NUP214: variants seen among roughly 807,000 people sequenced by gnomAD.
NUP214 encodes nuclear pore complex protein Nup214.
NUP214 carries 79 observed loss-of-function variants against 196.2 expected under a neutral mutation model. That is an observed-to-expected ratio of 0.40 (90% CI 0.34 to 0.49). The LOEUF is 0.49. Among genes scored for constraint, NUP214 ranks in the 20% least tolerant of loss-of-function variants. The pLI, the probability that NUP214 is intolerant of heterozygous loss-of-function variation, is 0.58. For synonymous variants in NUP214, 1,020 were observed against 990.5 expected (o/e 1.03, Z -0.56); for missense variants, 2,468 against 2,539.0 (o/e 0.97, Z 0.60).
At chr9:131,209,291 T>C (rs1052806029) in intron 30 of NUP214, among the ~76,000 whole-genome samples, 1 of 152,100 alleles carries the variant, frequency 6.6e-6, no homozygotes, top group Non-Finnish European at 1.5e-5. Flanking sequence ...GGTGGGAGGA[T>C]CACTTGAGCT....
intron 10 of NUP214, 150 bp downstream of exon 10, chr9:131,139,557 G>A: frequency 8.7e-7 from 1 of 1,147,972 alleles, no homozygotes; most frequent in South Asian, 1.6e-5. Context: ...GTGATAACAG[G>A]CTGCGTTGTG....
At position 131,198,617 on chromosome 9, in the gene NUP214, T is replaced by A; in HGVS notation, c.5123T>A (p.Phe1708Tyr). ...AATPQVSSSGFSSPAFGTTAP... is the reference protein window; with the variant it reads ...AATPQVSSSGYSSPAFGTTAP... Reference sequence around the variant, plus strand: ...ACACCACAGGTCAGCAGCTCAGGGTTTAGCAGCCCAGCTTTTGGTACCACA... The same window carrying A: ...ACACCACAGGTCAGCAGCTCAGGGTATAGCAGCCCAGCTTTTGGTACCACA... The change falls in exon 29 of 36, where the codon TTT (phenylalanine) becomes TAT (tyrosine). Residue 1708 changes from phenylalanine (F) to tyrosine (Y), a missense_variant. This residue lies in a region of NUP214 where 1,801 missense variants were observed against 1,779.4 expected (regional missense o/e 1.01). Coordinates refer to ENST00000359428, the MANE Select transcript of NUP214 (RefSeq NM_005085.4). 1 of 1,614,192 alleles carries A rather than the reference T, an allele frequency of 6.2e-7. No individual in the cohort carries two copies. The highest frequency in any genetic ancestry group is 8.5e-7 in the Non-Finnish European group (1 of 1,180,006).
At chr9:131,222,956 T>C (rs1219955025) in intron 32 of NUP214, 26 bp downstream of exon 32, 2 of 1,607,084 alleles carry the variant, frequency 1.2e-6, no homozygotes, top group East Asian at 4.5e-5. Context: ...TTTGTTATGG[T>C]TATCTTTATA....
At position 131,197,470 on chromosome 9, in the gene NUP214, T is replaced by G; in HGVS notation, c.3976T>G (p.Leu1326Val). 1.9e-6 allele frequency: 3 copies of G among 1,614,158 alleles called. No homozygotes were observed. The highest frequency in any genetic ancestry group is 1.7e-6 in the Non-Finnish European group (2 of 1,180,026). Residue 1326 changes from leucine to valine, a missense_variant, in exon 29 of 36, where the codon TTG becomes GTG. Physicochemically the swap from Leu to Val is conservative, Grantham distance 32. This residue lies in a region of NUP214 where 1,801 missense variants were observed against 1,779.4 expected (regional missense o/e 1.01). Coordinates refer to ENST00000359428, the MANE Select transcript of NUP214 (RefSeq NM_005085.4). The stretch of plus-strand genomic sequence containing the variant: ...GGGAGAGCTTCTGTTTCCAAGTTCT[T>G]TGGCTGGAGAGACTCTGGGAAGTTT... Reference protein sequence around the residue: ...KLGELLFPSSLAGETLGSFSG... With the variant: ...KLGELLFPSSVAGETLGSFSG...
intron 32 of NUP214, among the ~76,000 whole-genome samples, chr9:131,225,548 C>T (rs928278982): frequency 6.6e-6 from 1 of 152,192 alleles, no homozygotes; most frequent in Non-Finnish European, 1.5e-5. Context: ...GAATAGAGAA[C>T]AACTATCTTT....
intron 11 of NUP214, among the ~76,000 whole-genome samples, chr9:131,143,470 C>G (rs1264563204): frequency 6.6e-6 from 1 of 151,968 alleles, no homozygotes; most frequent in Non-Finnish European, 1.5e-5. Context: ...AAAAAAAATA[C>G]TAGTTACCTA....
intron 8 of NUP214, 58 bp downstream of exon 8, chr9:131,135,062 C>T: frequency 4.4e-6 from 5 of 1,136,694 alleles, no homozygotes; most frequent in Non-Finnish European, 6.6e-6. Flanking sequence ...ACACCTGAGT[C>T]ACCTTGTCCC....
intron 29 of NUP214, among the ~76,000 whole-genome samples, chr9:131,200,662 T>C (rs1003642804): frequency 2.6e-5 from 4 of 152,124 alleles, no homozygotes; most frequent in African/African-American, 9.7e-5. Flanking sequence ...TGAGCCAAGA[T>C]CGTGCCACTG....
At position 131,144,555 on chromosome 9, in the gene NUP214, C is replaced by A. The variant is rs867687501; in HGVS notation, c.1570C>A (p.Pro524Thr). ...GPGPSTFSFV[P>T]PSKASLAPTP... Reference sequence around the variant, plus strand: ...TGGCCCATCAACCTTCTCTTTTGTTCCCCCTTCTAAAGCCTCCCTAGCCCC... The same window carrying A: ...TGGCCCATCAACCTTCTCTTTTGTTACCCCTTCTAAAGCCTCCCTAGCCCC... The change falls in exon 12 of 36, where the codon CCC (proline) becomes ACC (threonine). Residue 524 changes from proline (P) to threonine (T), a missense_variant. Physicochemically the swap from Pro to Thr is conservative, Grantham distance 38. Around this residue, in one of 5 missense-constraint regions of NUP214, gnomAD observed 1,801 missense variants for 1,779.4 expected, o/e 1.01. Coordinates refer to ENST00000359428, the MANE Select transcript of NUP214 (RefSeq NM_005085.4). The A allele has an allele frequency of 6.2e-7, 1 of 1,613,976 alleles. No individual in the cohort carries two copies. The highest frequency in any genetic ancestry group is 8.5e-7 in the Non-Finnish European group (1 of 1,179,906).
intron 1 of NUP214, chr9:131,126,547 G>A (rs1047132771): frequency 6.9e-6 from 1 of 144,628 alleles, no homozygotes; most frequent in African/African-American, 2.6e-5. Flanking sequence ...GTTTAGAATA[G>A]TGATTTTTTT....
intron 9 of NUP214, 28 bp downstream of exon 9, chr9:131,136,034 G>C: frequency 1.3e-6 from 2 of 1,547,950 alleles, no homozygotes; most frequent in Non-Finnish European, 1.8e-6. Flanking sequence ...CACTTCTGTG[G>C]TGCTTTCTTT....
At chr9:131,231,912 CAAAAA>C (rs900440054) in intron 34 of NUP214, among the ~76,000 whole-genome samples, 16 of 43,976 alleles carry the variant, frequency 3.6e-4, no homozygotes, top group African/African-American at 1.1e-3. Flanking sequence ...ACAACAACAG[CAAAAA>C]AAAAAAAAAA....
chr9:131,159,240 T>A, intron 17 of NUP214, 143 bp from the exon 18 acceptor site: 1 of 638,944 alleles, frequency 1.6e-6, no homozygotes, highest in South Asian at 2.0e-5. Flanking sequence ...GTTTTAAAAA[T>A]CGTATTAAAA....
intron 18 of NUP214, among the ~76,000 whole-genome samples, chr9:131,161,578 T>C (rs1340278116): frequency 6.6e-6 from 1 of 152,068 alleles, no homozygotes; most frequent in Non-Finnish European, 1.5e-5. Context: ...TTAAAAATTA[T>C]ATGTTGAACT....
chr9:131,208,177 C>T (rs1039995651), intron 30 of NUP214, among the ~76,000 whole-genome samples: 1 of 152,122 alleles, frequency 6.6e-6, no homozygotes, highest in African/African-American at 2.4e-5. Context: ...TCTCAAAAAG[C>T]TAAATATAGT....
At chr9:131,216,536 T>TC (rs1424190814) in intron 31 of NUP214, among the ~76,000 whole-genome samples, 2 of 146,960 alleles carry the variant, frequency 1.4e-5, no homozygotes, top group Non-Finnish European at 3.0e-5. Context: ...TTTTTTTTTT[T>TC]TTTTCCTTTT....
chr9:131,201,780 G>A, intron 30 of NUP214, 63 bp downstream of exon 30: 1 of 1,362,774 alleles, frequency 7.3e-7, no homozygotes, highest in Non-Finnish European at 1.1e-6. Flanking sequence ...TTTCTTCACT[G>A]TAATGTAGTC....
At chr9:131,192,430 T>A in intron 27 of NUP214, 138 bp downstream of exon 27, 1 of 507,792 alleles carries the variant, frequency 2.0e-6, no homozygotes, top group African/African-American at 2.0e-5. Flanking sequence ...CATGTGATGA[T>A]AGTGGCAATA....
intron 27 of NUP214, among the ~76,000 whole-genome samples, chr9:131,194,601 G>A (rs1833722693): frequency 6.6e-6 from 1 of 152,154 alleles, no homozygotes; most frequent in Non-Finnish European, 1.5e-5. Flanking sequence ...TAGCTATGGT[G>A]TCTTCACTTA....
Sources: allele counts gnomAD v4.1 joint callset (sites outside exome capture counted in the v4.1 genomes callset), GRCh38; gene constraint gnomAD v4.1.1; regional missense constraint gnomAD v4.1.1; transcripts MANE v1.5; gene names NCBI Gene and HGNC (gene_info 2026-07-23, HGNC 2026-07-21).